The following DDX60 variants were observed in gnomAD, a reference collection of about 807,000 sequenced individuals.
DDX60 encodes probable ATP-dependent RNA helicase DDX60.
A neutral mutation model predicts 212.8 loss-of-function variants in DDX60; 165 were observed. The observed-to-expected ratio is 0.78, with a 90% CI of 0.68 to 0.88. The LOEUF (loss-of-function observed/expected upper bound fraction) is 0.88, where lower values mean the gene tolerates loss of function less well. Ranked by LOEUF, DDX60 falls within the 40% of genes least tolerant of loss-of-function variation. The probability of loss-of-function intolerance (pLI) is 0.00; values close to 1 mark genes in which losing one functional copy is unlikely to be tolerated. For missense variants in DDX60, 1,905 were observed against 2,003.9 expected (o/e 0.95, Z 0.94); for synonymous variants, 703 against 685.3 (o/e 1.03, Z -0.40).
chr4:168,317,085 A>G (rs1017114472), intron 1 of DDX60, among the ~76,000 whole-genome samples: 4 of 151,154 alleles, frequency 2.6e-5, no homozygotes, highest in African/African-American at 9.7e-5. Flanking sequence ...AAGAAGAAGA[A>G]GAAAAAAAAG....
At chr4:168,289,290 A>G (rs1221366573) in intron 8 of DDX60, among the ~76,000 whole-genome samples, 5 of 152,168 alleles carry the variant, frequency 3.3e-5, no homozygotes, top group Non-Finnish European at 5.9e-5. Context: ...ACAATCCTCT[A>G]TAGCAGCTGA....
rs552129731 is a variant in DDX60 at position 168,219,699 on chromosome 4, A to G, written c.5039+956T>C. ...ATAAAAAGGGATAGGACGAAGCAAC[A>G]CCTATAAAGTATTGAGTTGCATGCA... On this transcript the variant is annotated intron_variant, in intron 37 of 37. Transcript: ENST00000393743. Among the ~76,000 whole-genome samples, 35 of 152,242 alleles carry G rather than the reference A, an allele frequency of 2.3e-4. No homozygotes were observed. The South Asian group carries it at 6.8e-3, about 30-fold the overall frequency.
At chr4:168,219,250 C>T (rs1432697811) in intron 37 of DDX60, among the ~76,000 whole-genome samples, 3 of 151,292 alleles carry the variant, frequency 2.0e-5, no homozygotes. Context: ...GAGATCGCAA[C>T]ACTTCACTCC....
At chr4:168,252,406 T>C in intron 27 of DDX60, 103 bp downstream of exon 27, 1 of 1,335,264 alleles carries the variant, frequency 7.5e-7, no homozygotes, top group Non-Finnish European at 1.0e-6. Context: ...GTATTAATTA[T>C]GTATTATATT....
chr4:168,250,203 T>A (rs1734166524), intron 28 of DDX60, among the ~76,000 whole-genome samples: 2 of 152,086 alleles, frequency 1.3e-5, no homozygotes, highest in South Asian at 4.1e-4. Context: ...GGTAGAAAAA[T>A]TTGCCAAAGT....
At chr4:168,273,161 C>T in intron 18 of DDX60, 118 bp downstream of exon 18, 1 of 1,085,354 alleles carries the variant, frequency 9.2e-7, no homozygotes, top group Non-Finnish European at 1.3e-6. Context: ...TTTTGTCTTT[C>T]ATAAATTCAA....
At position 168,216,838 on chromosome 4, in the gene DDX60, C is replaced by G. The variant is rs1732862123; in HGVS notation, c.*95G>C. 2.8e-6 allele frequency: 2 copies of G among 721,308 alleles called. No homozygotes were observed. The highest frequency in any genetic ancestry group is 4.5e-6 in the Non-Finnish European group (2 of 442,464). 44.7% of individuals were successfully genotyped at this position (721,308 alleles called of 1,614,324 possible). A position where few individuals can be genotyped will look rare whatever the true frequency, so the allele number is the denominator to read the frequency against. ...TCATCGTAATGTATTTCCACTTTAT[C>G]ATAATGTATTTCTGGCAAGAAGCAT... is the stretch of plus-strand genomic sequence containing the variant. On this transcript the variant is annotated 3_prime_UTR_variant, in exon 38 of 38. Transcript: ENST00000393743.
chr4:168,236,152 C>T (rs1442481547), intron 33 of DDX60, 100 bp downstream of exon 33: 1 of 1,108,954 alleles, frequency 9.0e-7, no homozygotes, highest in Non-Finnish European at 1.3e-6. Flanking sequence ...AACAAATGAA[C>T]TGCCCTTTGA....
intron 37 of DDX60, among the ~76,000 whole-genome samples, chr4:168,218,348 A>G (rs913612538): frequency 6.6e-6 from 1 of 152,126 alleles, no homozygotes; most frequent in Admixed American, 6.6e-5. Context: ...TTTCCTATAC[A>G]TCCTTAACAA....
At chr4:168,297,174 G>T (rs1293633240) in intron 6 of DDX60, among the ~76,000 whole-genome samples, 1 of 151,804 alleles carries the variant, frequency 6.6e-6, no homozygotes, top group African/African-American at 2.4e-5. Flanking sequence ...CTCCCAAAGT[G>T]CTGGGATTAC....
chr4:168,267,588 T>C lies in DDX60; in HGVS notation c.3033A>G (p.Thr1011=). The C allele has an allele frequency of 6.5e-7, 1 of 1,538,774 alleles. No homozygotes were observed. The highest frequency in any genetic ancestry group is 8.8e-7 in the Non-Finnish European group (1 of 1,137,684). The part of the protein sequence containing the change: ...DHFHPCAALT[T]DHIERYGFPP... ...TGGCTAAAATATTACCTACATGATCTGTTGTTAGTGCAGCACATGGGTGAA... is the reference window on the plus strand; with the variant it reads ...TGGCTAAAATATTACCTACATGATCCGTTGTTAGTGCAGCACATGGGTGAA... Residue 1011 remains threonine, a synonymous_variant, in exon 22 of 38, where the codon ACA becomes ACG. Coordinates refer to ENST00000393743, the MANE Select transcript of DDX60 (RefSeq NM_017631.6).
intron 6 of DDX60, among the ~76,000 whole-genome samples, chr4:168,298,920 T>G (rs553576800): frequency 6.6e-6 from 1 of 152,120 alleles, no homozygotes; most frequent in African/African-American, 2.4e-5. Flanking sequence ...CCCAGCACGT[T>G]GGGAGGCCAA....
chr4:168,238,236 CAAAAA>C (rs57638327), intron 30 of DDX60, among the ~76,000 whole-genome samples: 20 of 80,896 alleles, frequency 2.5e-4, no homozygotes, highest in Non-Finnish European at 4.1e-4. Context: ...TATGAAATTC[CAAAAA>C]AAAAAAAAAA....
intron 1 of DDX60, among the ~76,000 whole-genome samples, chr4:168,312,262 C>T (rs963118529): frequency 3.9e-5 from 6 of 152,098 alleles, no homozygotes; most frequent in African/African-American, 1.2e-4. Flanking sequence ...AAGATTATGG[C>T]GGCATTTGTG....
Position 168,237,402 on chromosome 4 carries a change from G to C in DDX60, c.4295C>G (p.Pro1432Arg). Residue 1432 changes from proline (P) to arginine (R), a missense_variant, in exon 32 of 38, where the codon CCT becomes CGT. Transcript: ENST00000393743. ...KEGYLDQEGN[P>R]MGFAGLVSHL... ...TGATACAAGTCCAGCAAACCCCATA[G>C]GATTACCTTCTTGATCTAAATAGCC... The C allele has an allele frequency of 6.3e-7, 1 of 1,583,610 alleles. No homozygotes were observed. Among genetic ancestry groups the C allele is most frequent in the Non-Finnish European group, 8.6e-7 (1 of 1,167,488 alleles).
chr4:168,238,539 A>C (rs1229388702), intron 30 of DDX60, among the ~76,000 whole-genome samples: 1 of 151,856 alleles, frequency 6.6e-6, no homozygotes, highest in Non-Finnish European at 1.5e-5. Flanking sequence ...AAAGGAAGAA[A>C]GAGTGGAAGC....
intron 26 of DDX60, among the ~76,000 whole-genome samples, chr4:168,253,523 G>A (rs1459334641): frequency 6.6e-6 from 1 of 152,094 alleles, no homozygotes; most frequent in East Asian, 1.9e-4. Flanking sequence ...TCCTGGGGAT[G>A]GGAAATAGCC....
At chr4:168,286,604 T>C (rs1290733213) in intron 10 of DDX60, among the ~76,000 whole-genome samples, 3 of 152,092 alleles carry the variant, frequency 2.0e-5, no homozygotes, top group African/African-American at 7.2e-5. Context: ...GATCCTTTCT[T>C]ATTTAAGCCC....
chr4:168,276,067 C>T lies in DDX60; in HGVS notation c.2093G>A (p.Cys698Tyr), dbSNP rs1735321654. ...CTCATCAAATCCTAAATACTTAAGG[C>T]ATCTGGCTATGAGTTGCCGATCATC... is the stretch of plus-strand genomic sequence containing the variant. The part of the protein sequence containing the change: ...QEDDRQLIAR[C>Y]LKYLGFDELA... The change falls in exon 15 of 38, where the codon TGC becomes TAC. Residue 698 changes from cysteine to tyrosine, a missense_variant. Transcript: ENST00000393743. The T allele has an allele frequency of 6.2e-7, 1 of 1,613,428 alleles. No homozygotes were observed. Among genetic ancestry groups the T allele is most frequent in the Admixed American group, 1.7e-5 (1 of 59,986 alleles).
Sources: allele counts gnomAD v4.1 joint callset (sites outside exome capture counted in the v4.1 genomes callset), GRCh38; gene constraint gnomAD v4.1.1; transcripts MANE v1.5; gene names NCBI Gene and HGNC (gene_info 2026-07-23, HGNC 2026-07-21).